TTLL8: variants seen among roughly 807,000 people sequenced by gnomAD.
The protein encoded by TTLL8 is protein monoglycylase TTLL8.
A neutral mutation model predicts 77.8 loss-of-function variants in TTLL8; 65 were observed. The ratio of observed to expected loss-of-function variants is 0.84; its 90% CI spans 0.68 to 1.03. The LOEUF (loss-of-function observed/expected upper bound fraction) is 1.03. Among genes scored for constraint, TTLL8 ranks in the 50% least tolerant of loss-of-function variants. The probability of loss-of-function intolerance (pLI) is 0.00; values close to 1 mark genes in which losing one functional copy is unlikely to be tolerated. For missense variants in TTLL8, 910 were observed against 1,004.5 expected, an observed-to-expected ratio of 0.91 and a Z score of 1.27; for synonymous variants, 402 against 422.8, an observed-to-expected ratio of 0.95 and a Z score of 0.60.
chr22:50,038,685 G>T (rs1230853756), intron 8 of TTLL8, among the ~76,000 whole-genome samples: 1 of 152,104 alleles, frequency 6.6e-6, no homozygotes, highest in Non-Finnish European at 1.5e-5. Context: ...GGTGGCACGT[G>T]CCTGGAGTCC....
chr22:50,046,145 C>T (rs6010246), intron 4 of TTLL8, among the ~76,000 whole-genome samples, 175 bp from the exon 7 acceptor site: 9,657 of 152,280 alleles, frequency 0.063, 382 homozygotes, highest in Middle Eastern at 0.13. Flanking sequence ...GGCCCCAGAA[C>T]ACCCCCTCCA....
intron 10 of TTLL8, 164 bp downstream of exon 11, chr22:50,033,038 G>T: frequency 1.4e-6 from 1 of 695,702 alleles, no homozygotes; most frequent in Non-Finnish European, 1.8e-6. Context: ...CCCTCGGGGA[G>T]ATCATCAGCC....
upstream of TTLL8, among the ~76,000 whole-genome samples, chr22:50,057,410 C>G (rs1014184145): frequency 0.014 from 49 of 3,524 alleles, no homozygotes; most frequent in African/African-American, 0.016. Context: ...CTGGGTTGGG[C>G]GGGAGGTCTG....
Position 50,041,437 on chromosome 22 carries a change from A to C in TTLL8, c.831-160T>G, listed in dbSNP as rs2061370115. On this transcript the variant is annotated intron_variant, in intron 7 of 13. Coordinates refer to ENST00000266182, the Ensembl canonical transcript of TTLL8. The surrounding 1 kb of genome is among the most constrained non-coding windows in gnomAD (Gnocchi z 4.3). ...ATCCAGACAGACACCACAATACTCA[A>C]CAAGCATCCCAGACATCCAGACAGG... 1.2e-5 allele frequency: 11 copies of C among 880,108 alleles called. No homozygotes were observed. The highest frequency in any genetic ancestry group is 1.5e-5 in the Non-Finnish European group (11 of 734,086). 54.5% of individuals were successfully genotyped at this position (880,108 alleles called of 1,614,324 possible).
chr22:50,047,079 G>A (rs2061416928), intron 4 of TTLL8, 89 bp downstream of exon 6: 15 of 1,295,750 alleles, frequency 1.2e-5, no homozygotes, highest in Non-Finnish European at 1.4e-5. Flanking sequence ...GGTGGCCACT[G>A]ACCAGCCACC....
At chr22:50,048,808 T>G (rs983614648) in intron 3 of TTLL8, among the ~76,000 whole-genome samples, 1 of 152,208 alleles carries the variant, frequency 6.6e-6, no homozygotes, top group Non-Finnish European at 1.5e-5. Context: ...CTCTTTATGG[T>G]GGAGTGTTGG....
exon 12 of TTLL8, chr22:50,030,597 G>C (rs1418966473): frequency 7.7e-7 from 1 of 1,298,342 alleles, no homozygotes; most frequent in Non-Finnish European, 1.0e-6. Flanking sequence ...ACAGGGGCAG[G>C]CCGGGAGCTC....
chr22:50,030,335 G>A (rs929951207), intron 12 of TTLL8, 95 bp downstream of exon 13: 1 of 1,146,792 alleles, frequency 8.7e-7, no homozygotes, highest in Non-Finnish European at 1.1e-6. Flanking sequence ...CCTGCCCTGC[G>A]CCCCGCTCTG....
At chr22:50,030,262 A>G in intron 12 of TTLL8, 168 bp downstream of exon 13, 1 of 984,152 alleles carries the variant, frequency 1.0e-6, no homozygotes, top group Non-Finnish European at 1.2e-6. Context: ...AGGTGCCCCA[A>G]CCCCGCTCCC....
rs1569226276 is a variant in TTLL8 at position 50,034,829 on chromosome 22, G to A, written c.922-367C>T. Reference sequence around the variant, plus strand: ...GAGATGCAGCCACGCGGAAACGTGGGAGACACAGGCGGGGGCAGACGCAGC... The same window carrying A: ...GAGATGCAGCCACGCGGAAACGTGGAAGACACAGGCGGGGGCAGACGCAGC... On this transcript the variant is annotated intron_variant, in intron 8 of 13. Coordinates refer to ENST00000266182, the Ensembl canonical transcript of TTLL8. The surrounding 1 kb of genome is among the most constrained non-coding windows in gnomAD (Gnocchi z 4.1). 6.6e-6 allele frequency among the ~76,000 whole-genome samples: 1 copy of A among 152,212 alleles called. No individual in the cohort carries two copies. The highest frequency in any genetic ancestry group is 1.5e-5 in the Non-Finnish European group (1 of 68,036).
chr22:50,049,900 G>A (rs1039848071), intron 2 of TTLL8: 2 of 301,708 alleles, frequency 6.6e-6, no homozygotes, highest in African/African-American at 4.5e-5. Flanking sequence ...CTCTGAGAAG[G>A]GAGCAGGGCT....
chr22:50,045,361 G>T (rs1447461155), exon 6 of TTLL8: 1 of 1,366,162 alleles, frequency 7.3e-7, no homozygotes, highest in East Asian at 4.5e-5. Flanking sequence ...ACTTGAGGAT[G>T]CTGGATGCCA....
At chr22:50,027,671 C>A in intron 12 of TTLL8, 4 of 985,464 alleles carry the variant, frequency 4.1e-6, no homozygotes, top group Non-Finnish European at 4.8e-6. Context: ...TCCTGCTGGC[C>A]GGACTGGGCC....
intron 12 of TTLL8, among the ~76,000 whole-genome samples, chr22:50,028,321 T>C (rs977031655): frequency 8.5e-5 from 13 of 152,236 alleles, no homozygotes; most frequent in Non-Finnish European, 1.8e-4. Flanking sequence ...TCGGCAACAT[T>C]GCTTACGGCA....
At chr22:50,026,365 G>C (rs2061229596) in intron 12 of TTLL8, among the ~76,000 whole-genome samples, 1 of 124,448 alleles carries the variant, frequency 8.0e-6, no homozygotes, top group African/African-American at 2.7e-5. Flanking sequence ...CCACCTCAGA[G>C]TGGAGGGTCA....
chr22:50,053,817 A>G (rs1192654663), intron 1 of TTLL8, among the ~76,000 whole-genome samples: 1 of 152,158 alleles, frequency 6.6e-6, no homozygotes, highest in Non-Finnish European at 1.5e-5. Context: ...TTTGTACCTG[A>G]GGGTGATGGA....
intron 8 of TTLL8, among the ~76,000 whole-genome samples, chr22:50,038,175 A>G (rs1395465541): frequency 6.6e-6 from 1 of 152,208 alleles, no homozygotes; most frequent in Non-Finnish European, 1.5e-5. Context: ...TTGTTGCTAG[A>G]ACACAGAAAT....
At chr22:50,049,971 G>A in intron 2 of TTLL8, 138 bp downstream of exon 4, 1 of 1,110,880 alleles carries the variant, frequency 9.0e-7, no homozygotes, top group Non-Finnish European at 1.2e-6. Flanking sequence ...GGAGGGTGAT[G>A]GAGACCTGGG....
chr22:50,038,161 C>T (rs1288019236), intron 8 of TTLL8, among the ~76,000 whole-genome samples: 1 of 152,124 alleles, frequency 6.6e-6, no homozygotes, highest in Admixed American at 6.5e-5. Context: ...TTTCGTTTCA[C>T]GATTTGTTGC....
Sources: gnomAD v4.1 joint callset for allele counts (sites outside exome capture counted in the v4.1 genomes callset) on GRCh38, gnomAD v4.1.1 for gene constraint, Gnocchi (gnomAD v3.1) non-coding constraint, MANE v1.5 for transcripts, NCBI Gene and HGNC (gene_info 2026-07-23, HGNC 2026-07-21) for gene names.